The following SLIT3 variants were observed in gnomAD, a reference collection of about 807,000 sequenced individuals.
The protein encoded by SLIT3 is slit guidance ligand 3, also known as slit homolog 3 protein.
In SLIT3, 68 loss-of-function variants were observed where a neutral mutation model predicts 184.0. That is an observed-to-expected ratio of 0.37 (90% CI 0.30 to 0.45). SLIT3 has a LOEUF of 0.45. Among genes scored for constraint, SLIT3 ranks in the 20% least tolerant of loss-of-function variants. The pLI is 1.00. For synonymous variants in SLIT3, 831 were observed against 828.6 expected, an observed-to-expected ratio of 1.00 and a Z score of -0.05; for missense variants, 1,707 against 2,026.0, an observed-to-expected ratio of 0.84 and a Z score of 3.02.
intron 1 of SLIT3, among the ~76,000 whole-genome samples, chr5:169,296,656 G>A (rs919551070): frequency 6.6e-6 from 1 of 152,234 alleles, no homozygotes; most frequent in Admixed American, 6.5e-5. Flanking sequence ...GTCAAGTGAG[G>A]GAAAGCCTAT....
intron 4 of SLIT3, among the ~76,000 whole-genome samples, chr5:169,021,420 G>A (rs933420000): frequency 4.0e-5 from 6 of 151,774 alleles, no homozygotes; most frequent in Admixed American, 1.3e-4. Context: ...ATATGATCTC[G>A]GCTCACTGCA....
At chr5:169,144,663 C>T (rs1351218180) in intron 4 of SLIT3, among the ~76,000 whole-genome samples, 10 of 152,200 alleles carry the variant, frequency 6.6e-5, no homozygotes, top group Non-Finnish European at 1.0e-4. Flanking sequence ...TTTGGGAAGC[C>T]ATGTCCACCA....
chr5:169,081,765 AC>A (rs1291122585), intron 4 of SLIT3, among the ~76,000 whole-genome samples: 1 of 152,032 alleles, frequency 6.6e-6, no homozygotes, highest in East Asian at 1.9e-4. Context: ...GCAGGGAATA[AC>A]CCCCGAATGT....
intron 4 of SLIT3, among the ~76,000 whole-genome samples, chr5:168,914,459 G>A (rs1761369194): frequency 6.6e-6 from 1 of 152,192 alleles, no homozygotes; most frequent in Non-Finnish European, 1.5e-5. Flanking sequence ...AGAAAATGCA[G>A]AGCATATGCT....
At chr5:168,713,378 A>T (rs1188754342) in intron 23 of SLIT3, among the ~76,000 whole-genome samples, 1 of 152,218 alleles carries the variant, frequency 6.6e-6, no homozygotes, top group Non-Finnish European at 1.5e-5. Flanking sequence ...AACCTCAATG[A>T]ACACTGCTCC....
chr5:169,179,763 C>T (rs1763097206), intron 4 of SLIT3, among the ~76,000 whole-genome samples: 1 of 152,102 alleles, frequency 6.6e-6, no homozygotes, highest in African/African-American at 2.4e-5. Flanking sequence ...GAGGAGAGAG[C>T]TCTGGTTTGG....
intron 5 of SLIT3, among the ~76,000 whole-genome samples, chr5:168,869,937 G>A (rs543866456): frequency 3.3e-5 from 5 of 152,340 alleles, no homozygotes; most frequent in South Asian, 2.1e-4. Context: ...AATAGCTGTC[G>A]GTGTAAATGG....
Position 168,773,060 on chromosome 5 carries a change from C to T in SLIT3, c.1296-116G>A, listed in dbSNP as rs1308572240. ...CACTGCAAGGACTGGCCTCCTGCCT[C>T]ATCGCCCCAGGAAGCCTTAGGGGGT... is the stretch of plus-strand genomic sequence containing the variant. On this transcript the variant is annotated intron_variant, in intron 13 of 35. Coordinates refer to ENST00000519560, the MANE Select transcript of SLIT3 (RefSeq NM_003062.4). 7 of 1,098,786 alleles carry T rather than the reference C, an allele frequency of 6.4e-6. No homozygotes were observed. In the African/African-American group the frequency reaches 9.5e-5, roughly 15 times the overall value. 68.1% of individuals were successfully genotyped at this position (1,098,786 alleles called of 1,614,324 possible). A position where few individuals can be genotyped will look rare whatever the true frequency, so the allele number is the denominator to read the frequency against.
At chr5:168,829,986 T>C (rs527753173) in intron 6 of SLIT3, among the ~76,000 whole-genome samples, 42 of 152,170 alleles carry the variant, frequency 2.8e-4, no homozygotes, top group African/African-American at 9.6e-4. Context: ...GGCTCACAGG[T>C]CAAAGCAAGC....
rs569534170 is a variant in SLIT3 at position 168,872,669 on chromosome 5, C to T, written c.485+10596G>A. On this transcript the variant is annotated intron_variant, in intron 5 of 35. Coordinates refer to ENST00000519560, the MANE Select transcript of SLIT3 (RefSeq NM_003062.4). ...TTTTTTTTTTTTTGAGACAGAGTCT[C>T]ACTCTGTCGCTCAGGCTAGAGTGCA... 1.2e-4 allele frequency among the ~76,000 whole-genome samples: 15 copies of T among 127,502 alleles called. No homozygotes were observed. The South Asian group carries it at 1.6e-3, about 14-fold the overall frequency. The allele number at this position is 127,502 out of a possible 152,430, so 83.6% of individuals were successfully genotyped here. A position where few individuals can be genotyped will look rare whatever the true frequency, so the allele number is the denominator to read the frequency against.
chr5:169,228,819 GA>G (rs1764896076), intron 3 of SLIT3, among the ~76,000 whole-genome samples: 1 of 152,164 alleles, frequency 6.6e-6, no homozygotes, highest in South Asian at 2.1e-4. Flanking sequence ...GTCTTTCCAA[GA>G]GAATAAAATC....
chr5:169,234,688 G>A (rs1224680489), intron 3 of SLIT3, among the ~76,000 whole-genome samples: 4 of 152,120 alleles, frequency 2.6e-5, no homozygotes, highest in Admixed American at 2.6e-4. Flanking sequence ...GATTACATGG[G>A]TGAGTCACCG....
Position 168,717,044 on chromosome 5 carries a change from T to C in SLIT3, c.2484-4690A>G, listed in dbSNP as rs368333243. 9.2e-3 allele frequency among the ~76,000 whole-genome samples: 1,217 copies of C among 132,154 alleles called. 55 individuals carry two copies. In the East Asian group the frequency reaches 0.15, roughly 16 times the overall value. The allele number at this position is 132,154 out of a possible 152,430, so 86.7% of individuals were successfully genotyped here. On this transcript the variant is annotated intron_variant, in intron 23 of 35. Coordinates refer to ENST00000519560, the MANE Select transcript of SLIT3 (RefSeq NM_003062.4). ...CTTCAGGGCCTCTGTCCAGGGCATT[T>C]ATATTCTCCCGGCCTAGAATGTTCT...
intron 1 of SLIT3, among the ~76,000 whole-genome samples, chr5:169,286,769 G>C (rs1224093708): frequency 1.3e-5 from 2 of 152,184 alleles, no homozygotes; most frequent in African/African-American, 4.8e-5. Context: ...AGTCACATTT[G>C]GCAAGAGGTG....
intron 1 of SLIT3, among the ~76,000 whole-genome samples, chr5:169,259,241 T>C (rs1308496499): frequency 6.6e-6 from 1 of 150,780 alleles, no homozygotes; most frequent in Admixed American, 6.6e-5. Flanking sequence ...GTATTTTTAG[T>C]AGAGACGGGG....
intron 24 of SLIT3, among the ~76,000 whole-genome samples, chr5:168,711,819 C>T (rs746213963): frequency 6.6e-6 from 1 of 152,102 alleles, no homozygotes; most frequent in Non-Finnish European, 1.5e-5. Flanking sequence ...TTATGGGCCT[C>T]AGTTTTTCCT....
At chr5:168,770,114 G>T (rs1197826132) in intron 14 of SLIT3, among the ~76,000 whole-genome samples, 1 of 152,174 alleles carries the variant, frequency 6.6e-6, no homozygotes, top group Non-Finnish European at 1.5e-5. Context: ...GATGGGCTTG[G>T]GGTCCCAGGC....
At chr5:169,198,197 G>T (rs926932918) in intron 3 of SLIT3, among the ~76,000 whole-genome samples, 1 of 152,192 alleles carries the variant, frequency 6.6e-6, no homozygotes, top group African/African-American at 2.4e-5. Flanking sequence ...AATGTCATAT[G>T]CTAGTGAAGA....
In SLIT3 at chr5:168,749,570, T is replaced by A. The variant is rs371722412; in HGVS notation, c.2039A>T (p.Lys680Met). The change falls in exon 19 of 36, where the codon AAG (lysine) becomes ATG (methionine). Residue 680 changes from lysine to methionine, a missense_variant. Physicochemically the swap from Lys to Met is moderately conservative, Grantham distance 95. Coordinates refer to ENST00000519560, the MANE Select transcript of SLIT3 (RefSeq NM_003062.4). ...AGGGTTCCCACTGACGATCCGCCTC[T>A]TCCTCAACCACTTGCCGAGCCAGGC... is the stretch of plus-strand genomic sequence containing the variant. ...HLAWLGKWLR[K>M]RRIVSGNPRC... 6.2e-7 allele frequency: 1 copy of A among 1,614,086 alleles called. No homozygotes were observed. The highest frequency in any genetic ancestry group is 1.3e-5 in the African/African-American group (1 of 74,940).
Sources: allele counts gnomAD v4.1 joint callset (sites outside exome capture counted in the v4.1 genomes callset), GRCh38; gene constraint gnomAD v4.1.1; transcripts MANE v1.5; gene names NCBI Gene and HGNC (gene_info 2026-07-23, HGNC 2026-07-21).